Variants in PEX1 observed in about 807,000 individuals in gnomAD.
The protein encoded by PEX1 is peroxisomal ATPase PEX1.
In PEX1, 97 loss-of-function variants were observed where a neutral mutation model predicts 152.5. The observed-to-expected ratio is 0.64, with a 90% CI of 0.54 to 0.75. PEX1 has a LOEUF of 0.75. Ranked by LOEUF, PEX1 falls within the 30% of genes least tolerant of loss-of-function variation. PEX1 has a pLI of 0.00. For synonymous variants in PEX1, 485 were observed against 531.6 expected (o/e 0.91, Z 1.21); for missense variants, 1,357 against 1,516.3 (o/e 0.89, Z 1.74).
At position 92,496,737 on chromosome 7, in the gene PEX1, T is replaced by C; in HGVS notation, c.2759A>G (p.Gln920Arg). ...CCTAATAAAAATATCCCGAACAGCT[T>C]GTTCACTTGCTCCAATGTATTTGCT... The part of the protein sequence containing the change: ...LLSKYIGASE[Q>R]AVRDIFIRAQ... Residue 920 changes from glutamine (Q) to arginine (R), a missense_variant, in exon 17 of 24, where the codon CAA becomes CGA. Transcript: ENST00000248633. 6.2e-7 allele frequency: 1 copy of C among 1,609,920 alleles called. No homozygotes were observed. The highest frequency in any genetic ancestry group is 8.5e-7 in the Non-Finnish European group (1 of 1,176,322).
At chr7:92,512,096 A>G (rs1280552237) in intron 6 of PEX1, among the ~76,000 whole-genome samples, 1 of 151,186 alleles carries the variant, frequency 6.6e-6, no homozygotes, top group African/African-American at 2.4e-5. Context: ...GCAGTGGCGC[A>G]GTCTCCACTC....
Position 92,511,680 on chromosome 7 carries a change from G to T in PEX1, c.1383C>A (p.Asp461Glu). 6.2e-7 allele frequency: 1 copy of T among 1,611,466 alleles called. No individual in the cohort carries two copies. The highest frequency in any genetic ancestry group is 8.5e-7 in the Non-Finnish European group (1 of 1,178,286). Residue 461 changes from aspartate (D) to glutamate (E), a missense_variant, in exon 7 of 24, where the codon GAC becomes GAA. Asp to Glu is a conservative substitution (Grantham distance 45, BLOSUM62 2). Transcript: ENST00000248633. ...GCCATGAATAAAATACAGTTTTTAT[G>T]TCTTCTTCACTTATGTCTTTAGGCT... ...ENLPKDISEE[D>E]IKTVFYSWLQ...
At chr7:92,520,509 G>A (rs186946113) in intron 2 of PEX1, among the ~76,000 whole-genome samples, 313 of 152,322 alleles carry the variant, frequency 2.1e-3, no homozygotes, top group African/African-American at 7.0e-3. Flanking sequence ...ATTAGTAATA[G>A]AGAGCAATGT....
In PEX1 at chr7:92,493,054, C is replaced by A. The variant is rs754130942; in HGVS notation, c.3106G>T (p.Ala1036Ser). The change falls in exon 20 of 24, where the codon GCA (alanine) becomes TCA (serine). Residue 1036 changes from alanine to serine, a missense_variant. Physicochemically the swap from Ala to Ser is moderately conservative, Grantham distance 99 (BLOSUM62 1). Coordinates refer to ENST00000248633, the MANE Select transcript of PEX1 (RefSeq NM_000466.3). ...LADDVDLQHV[A>S]SVTDSFTGAD... ...CCAGTAAAGGAGTCAGTTACTGATG[C>A]TACATGCTGAAGGTCAACATCATCT... 4.3e-5 allele frequency: 70 copies of A among 1,611,908 alleles called. No individual in the cohort carries two copies. The African/African-American group carries it at 9.1e-4, about 21-fold the overall frequency.
intron 6 of PEX1, among the ~76,000 whole-genome samples, chr7:92,512,136 G>A (rs778281226): frequency 4.6e-5 from 7 of 152,266 alleles, no homozygotes; most frequent in African/African-American, 1.7e-4. Flanking sequence ...GGGTTCAAGC[G>A]ATTCGCTTGC....
chr7:92,502,791 C>G (rs939524189), intron 13 of PEX1, among the ~76,000 whole-genome samples: 5 of 152,198 alleles, frequency 3.3e-5, no homozygotes, highest in African/African-American at 1.2e-4. Flanking sequence ...ATCTATTTCT[C>G]TCTGTTCTTT....
intron 2 of PEX1, among the ~76,000 whole-genome samples, chr7:92,521,622 A>AG (rs937958558): frequency 5.9e-5 from 9 of 151,818 alleles, no homozygotes; most frequent in Non-Finnish European, 8.8e-5. Context: ...TTTAGTAGAG[A>AG]GGGGGGGTTT....
intron 1 of PEX1, 111 bp from the exon 2 acceptor site, chr7:92,522,356 A>G (rs1335741685): frequency 1.6e-5 from 16 of 1,028,380 alleles, no homozygotes; most frequent in Non-Finnish European, 2.0e-5. Context: ...TTCTATAGAT[A>G]GTTCTCTGTT....
chr7:92,503,070 A>C lies in PEX1; in HGVS notation c.2197T>G (p.Cys733Gly), dbSNP rs1281134878. Residue 733 changes from cysteine (C) to glycine (G), a missense_variant, in exon 13 of 24, where the codon TGC becomes GGC. Physicochemically the swap from Cys to Gly is radical, Grantham distance 159. Transcript: ENST00000248633. ...VSAQGVHIFQ[C>G]VQHIQPPNQE... The stretch of plus-strand genomic sequence containing the variant: ...TTAGGAGGCTGAATGTGTTGGACGC[A>C]CTGAAATATGTGAACTCCTTGAGCA... 1 of 1,613,698 alleles carries C rather than the reference A, an allele frequency of 6.2e-7. No individual in the cohort carries two copies. Among genetic ancestry groups the C allele is most frequent in the African/African-American group, 1.3e-5 (1 of 74,922 alleles).
chr7:92,507,245 C>T, intron 9 of PEX1, 119 bp from the exon 10 acceptor site: 5 of 692,940 alleles, frequency 7.2e-6, no homozygotes, highest in South Asian at 4.4e-5. Context: ...AATTTTTTAT[C>T]TTTTTTTTTT....
chr7:92,527,023 G>T (rs1001240192), intron 1 of PEX1, among the ~76,000 whole-genome samples: 1 of 152,118 alleles, frequency 6.6e-6, no homozygotes. Flanking sequence ...TTGATAATTA[G>T]AAAGTAAAGT....
chr7:92,523,932 C>T (rs1793156871), intron 1 of PEX1, among the ~76,000 whole-genome samples: 1 of 152,130 alleles, frequency 6.6e-6, no homozygotes, highest in South Asian at 2.1e-4. Context: ...GGTGCAGTGG[C>T]TCACATGTGT....
At chr7:92,515,067 CTATATATATATATATATA>C (rs67750906) in intron 5 of PEX1, among the ~76,000 whole-genome samples, 1,410 of 124,760 alleles carry the variant, frequency 0.011, 15 homozygotes, top group Non-Finnish European at 0.017. Context: ...AAAAAATTAT[CTATATATATATATATATA>C]TATATATATA....
intron 17 of PEX1, among the ~76,000 whole-genome samples, chr7:92,496,435 A>G (rs184660938): frequency 1.2e-4 from 19 of 152,286 alleles, no homozygotes; most frequent in Admixed American, 1.2e-3. Context: ...TTTGCTTCAT[A>G]TAAGAATCTA....
intron 20 of PEX1, among the ~76,000 whole-genome samples, chr7:92,492,515 G>A (rs1013179288): frequency 1.3e-5 from 2 of 152,152 alleles, no homozygotes; most frequent in Admixed American, 6.6e-5. Context: ...CAAGAATGAT[G>A]AGGACATGTC....
At chr7:92,520,576 T>C (rs1793005922) in intron 2 of PEX1, among the ~76,000 whole-genome samples, 1 of 152,102 alleles carries the variant, frequency 6.6e-6, no homozygotes, top group South Asian at 2.1e-4. Context: ...TGTTTTTAAA[T>C]GTTTCAGTCC....
intron 1 of PEX1, among the ~76,000 whole-genome samples, chr7:92,527,855 C>A (rs542249812): frequency 6.6e-6 from 1 of 152,248 alleles, no homozygotes; most frequent in Admixed American, 6.5e-5. Flanking sequence ...TAACCTTTCC[C>A]GCTCATGGGA....
chr7:92,501,596 G>A lies in PEX1; in HGVS notation c.2494C>T (p.His832Tyr). The change falls in exon 15 of 24, where the codon CAT becomes TAT. Residue 832 changes from histidine to tyrosine, a missense_variant. Physicochemically the swap from His to Tyr is moderately conservative, Grantham distance 83. Transcript: ENST00000248633. ...LPASLRSVNL[H>Y]KPRDLGWDKI... ...TCCCAACCCAGGTCTCTAGGTTTAT[G>A]CAGGTTGACACTTCGCAAAGACGCA... is the stretch of plus-strand genomic sequence containing the variant. 2.5e-6 allele frequency: 4 copies of A among 1,613,668 alleles called. No individual in the cohort carries two copies. Among genetic ancestry groups the A allele is most frequent in the Non-Finnish European group, 3.4e-6 (4 of 1,179,602 alleles).
intron 1 of PEX1, 75 bp from the exon 2 acceptor site, chr7:92,522,320 AT>A: frequency 7.1e-7 from 1 of 1,407,572 alleles, no homozygotes. Flanking sequence ...ATAAACTATT[AT>A]TACAATTCAC....
Sources: gnomAD v4.1 joint callset for allele counts (sites outside exome capture counted in the v4.1 genomes callset) on GRCh38, gnomAD v4.1.1 for gene constraint, MANE v1.5 for transcripts, NCBI Gene and HGNC (gene_info 2026-07-23, HGNC 2026-07-21) for gene names.